The following SULT6B1 variants were observed in gnomAD, a reference collection of about 807,000 sequenced individuals.
SULT6B1 encodes the protein sulfotransferase 6B1.
SULT6B1 carries 44 observed loss-of-function variants against 37.2 expected under a neutral mutation model. The ratio of observed to expected loss-of-function variants is 1.18; its 90% CI spans 0.93 to 1.52. The LOEUF (loss-of-function observed/expected upper bound fraction) is 1.52. Among genes scored for constraint, SULT6B1 ranks in the 40% most tolerant of loss-of-function variants. The probability of loss-of-function intolerance (pLI) is 0.00; values close to 1 mark genes in which losing one functional copy is unlikely to be tolerated. For synonymous variants in SULT6B1, 140 were observed against 126.0 expected (o/e 1.11, Z -0.74); for missense variants, 450 against 361.0 (o/e 1.25, Z -2.00).
intron 6 of SULT6B1, 60 bp from the exon 7 acceptor site, chr2:37,168,125 A>C (rs909536176): frequency 2.0e-6 from 3 of 1,476,288 alleles, no homozygotes; most frequent in Non-Finnish European, 2.7e-6. Flanking sequence ...TCATGATTTT[A>C]CCATTTTCAG....
intron 1 of SULT6B1, among the ~76,000 whole-genome samples, chr2:37,194,894 TTCTTTCCTTCCTTCC>T (rs1676871054): frequency 3.7e-4 from 11 of 30,022 alleles, no homozygotes; most frequent in South Asian, 1.4e-3. Context: ...CCTTCCTTCC[TTCTTTCCTTCCTTCC>T]TTCCTTCCTT....
At chr2:37,184,125 A>G (rs1369687254) in intron 2 of SULT6B1, among the ~76,000 whole-genome samples, 2 of 152,240 alleles carry the variant, frequency 1.3e-5, no homozygotes, top group Non-Finnish European at 2.9e-5. Flanking sequence ...ATTTTGTTCA[A>G]GAGAACTCAT....
chr2:37,185,130 A>G (rs1198015254), intron 2 of SULT6B1, among the ~76,000 whole-genome samples: 1 of 152,198 alleles, frequency 6.6e-6, no homozygotes, highest in Non-Finnish European at 1.5e-5. Flanking sequence ...ATTAAGTTAT[A>G]GACTGTGGTT....
In SULT6B1 at chr2:37,188,548, CT is replaced by C. The variant is rs1174079292; in HGVS notation, c.92del (p.Gln31ArgfsTer30). ...TALSHLFFTYQGIPYPITMCT... is the reference protein window; with the variant it reads ...TALSHLFFTYXGIPYPITMCT... ...ACATGGTGATGGGGTAAGGAATCCC[CT>C]GATAGGTGAAAAATAAATGAGAGAG... On this transcript the variant is annotated frameshift_variant, in exon 1 of 7. Coordinates refer to ENST00000535679, the MANE Select transcript of SULT6B1 (RefSeq NM_001367551.1). LOFTEE classifies it high-confidence loss of function. 1.2e-6 allele frequency: 2 copies of C among 1,612,932 alleles called. No individual in the cohort carries two copies. The highest frequency in any genetic ancestry group is 2.2e-5 in the South Asian group (2 of 91,044).
At chr2:37,168,214 G>A (rs1666972581) in intron 6 of SULT6B1, 149 bp from the exon 7 acceptor site, 1 of 755,158 alleles carries the variant, frequency 1.3e-6, no homozygotes, top group African/African-American at 1.9e-5. Flanking sequence ...TTTTCAGACG[G>A]TGTCTCGCTC....
intron 6 of SULT6B1, among the ~76,000 whole-genome samples, chr2:37,170,582 A>G (rs1676271418): frequency 6.6e-6 from 1 of 151,768 alleles, no homozygotes; most frequent in South Asian, 2.1e-4. Flanking sequence ...CAGCCTGGCC[A>G]ATATGGCAAA....
At chr2:37,176,940 G>A (rs1676444293) in intron 4 of SULT6B1, among the ~76,000 whole-genome samples, 1 of 152,094 alleles carries the variant, frequency 6.6e-6, no homozygotes, top group African/African-American at 2.4e-5. Flanking sequence ...TGACCTAAAG[G>A]TGATGATTGG....
At chr2:37,174,369 G>A (rs771324639) in intron 5 of SULT6B1, among the ~76,000 whole-genome samples, 1 of 150,436 alleles carries the variant, frequency 6.6e-6, no homozygotes, top group Non-Finnish European at 1.5e-5. Flanking sequence ...TGAGTAGCTG[G>A]TACTACAGGT....
intron 1 of SULT6B1, chr2:37,194,437 CT>C: frequency 2.3e-6 from 1 of 433,404 alleles, no homozygotes; most frequent in South Asian, 1.8e-5. Context: ...AAGTACAGAG[CT>C]TATTTGGTGA....
intron 4 of SULT6B1, among the ~76,000 whole-genome samples, chr2:37,178,425 G>A (rs1676477303): frequency 1.3e-5 from 2 of 151,952 alleles, no homozygotes; most frequent in Admixed American, 6.6e-5. Flanking sequence ...TAGCAGAGAC[G>A]GGGTTTTGCC....
intron 4 of SULT6B1, among the ~76,000 whole-genome samples, chr2:37,177,428 AAAAAAG>A (rs1676455043): frequency 1.4e-5 from 2 of 146,738 alleles, no homozygotes; most frequent in African/African-American, 2.5e-5. Context: ...AAAAAAAAAA[AAAAAAG>A]AAAGAAAGAA....
chr2:37,167,990 A>T lies in SULT6B1; in HGVS notation c.857T>A (p.Leu286Ter). Residue 286 changes from leucine (L) to a stop codon, truncating the protein, a stop_gained, in exon 7 of 7, where the codon TTA (leucine) becomes TAA (stop). Transcript: ENST00000535679. LOFTEE classifies it high-confidence loss of function. ...CTTTGCTCCGAGGGAGGTGCCTGCT[A>T]AGCACTCTTTGAATTTTTCATCCAT... ...QEMDEKFKEC[L>*]AGTSLGAKLK... 6.2e-7 allele frequency: 1 copy of T among 1,601,780 alleles called. No individual in the cohort carries two copies. Among genetic ancestry groups the T allele is most frequent in the Non-Finnish European group, 8.5e-7 (1 of 1,177,274 alleles).
chr2:37,183,535 G>T (rs992093507), intron 2 of SULT6B1, 21 bp from the exon 3 acceptor site: 1 of 1,591,306 alleles, frequency 6.3e-7, no homozygotes, highest in Non-Finnish European at 8.6e-7. Flanking sequence ...TACACAAAAA[G>T]GTGAAAATGT....
upstream of SULT6B1, among the ~76,000 whole-genome samples, chr2:37,193,396 G>T (rs990321065): frequency 1.3e-5 from 2 of 151,844 alleles, no homozygotes; most frequent in African/African-American, 4.8e-5. Flanking sequence ...CGGGAGGCAG[G>T]GCTTGTAGTG....
At chr2:37,195,201 T>G (rs1321055564) in intron 1 of SULT6B1, among the ~76,000 whole-genome samples, 1 of 152,134 alleles carries the variant, frequency 6.6e-6, no homozygotes, top group Non-Finnish European at 1.5e-5. Context: ...CTGCCCACCT[T>G]GGCCTCCCAA....
chr2:37,194,803 T>C (rs1676860742), intron 1 of SULT6B1: 1 of 156,658 alleles, frequency 6.4e-6, no homozygotes, highest in Non-Finnish European at 1.4e-5. Context: ...CTCTTTTCTT[T>C]TTTTCAATCT....
At chr2:37,183,706 C>T (rs567530851) in intron 2 of SULT6B1, among the ~76,000 whole-genome samples, 192 bp from the exon 3 acceptor site, 13 of 152,224 alleles carry the variant, frequency 8.5e-5, no homozygotes, top group Admixed American at 4.6e-4. Flanking sequence ...TGTTGTGGCG[C>T]GATCTCAGCT....
intron 2 of SULT6B1, among the ~76,000 whole-genome samples, chr2:37,185,611 G>A (rs186860322): frequency 2.6e-5 from 4 of 151,042 alleles, no homozygotes; most frequent in East Asian, 1.9e-4. Flanking sequence ...CCAGCTACTC[G>A]AGAGGCTGAG....
intron 2 of SULT6B1, among the ~76,000 whole-genome samples, chr2:37,185,489 G>T (rs1438269453): frequency 6.6e-6 from 1 of 152,054 alleles, no homozygotes; most frequent in African/African-American, 2.4e-5. Flanking sequence ...GGCAGAGGAG[G>T]GTGGATCACT....
Sources: allele counts gnomAD v4.1 joint callset (sites outside exome capture counted in the v4.1 genomes callset), GRCh38; gene constraint gnomAD v4.1.1; transcripts MANE v1.5; gene names NCBI Gene and HGNC (gene_info 2026-07-23, HGNC 2026-07-21).